Variants in ABTB2 observed in about 807,000 individuals in gnomAD.
The protein encoded by ABTB2 is ankyrin repeat and BTB/POZ domain-containing protein 2.
In ABTB2, 56 loss-of-function variants were observed where a neutral mutation model predicts 104.1. The observed-to-expected ratio is 0.54, with a 90% confidence interval of 0.43 to 0.67. ABTB2 has a LOEUF of 0.67. ABTB2 is among the 30% of genes least tolerant of loss of function. ABTB2 has a pLI of 0.00. For missense variants in ABTB2, 1,279 were observed against 1,407.7 expected, an observed-to-expected ratio of 0.91 and a Z score of 1.46; for synonymous variants, 606 against 608.2, an observed-to-expected ratio of 1.00 and a Z score of 0.05.
intron 1 of ABTB2, among the ~76,000 whole-genome samples, chr11:34,260,219 G>A (rs1455724188): frequency 1.3e-5 from 2 of 152,184 alleles, no homozygotes; most frequent in Non-Finnish European, 2.9e-5. Context: ...ACCGTTCAGC[G>A]CTTGGAGGCT....
intron 1 of ABTB2, among the ~76,000 whole-genome samples, chr11:34,312,151 AAAAAG>A (rs1465360463): frequency 3.1e-4 from 46 of 150,658 alleles, no homozygotes; most frequent in African/African-American, 8.4e-4. Flanking sequence ...AAAAAAAAAA[AAAAAG>A]AAAAAGAAAA....
chr11:34,155,243 C>A (rs894466732), intron 14 of ABTB2, among the ~76,000 whole-genome samples: 1 of 152,222 alleles, frequency 6.6e-6, no homozygotes, highest in South Asian at 2.1e-4. Flanking sequence ...TGTTGGAGGA[C>A]GCTGCCTCCT....
chr11:34,254,277 T>C (rs1590231341), intron 1 of ABTB2, among the ~76,000 whole-genome samples: 1 of 151,992 alleles, frequency 6.6e-6, no homozygotes, highest in South Asian at 2.1e-4. Context: ...AGACAGACTT[T>C]CACTTTATCA....
At chr11:34,172,393 A>ATAT (rs58214998) in intron 4 of ABTB2, among the ~76,000 whole-genome samples, 19 of 28,186 alleles carry the variant, frequency 6.7e-4, no homozygotes, top group African/African-American at 1.5e-3. Context: ...AAAAAAAAAA[A>ATAT]AAATATATAT....
chr11:34,272,412 C>T (rs185578440), intron 1 of ABTB2, among the ~76,000 whole-genome samples: 74 of 151,746 alleles, frequency 4.9e-4, no homozygotes, highest in Non-Finnish European at 7.4e-4. Context: ...ACTAAAAAAC[C>T]ATACACATTG....
intron 1 of ABTB2, among the ~76,000 whole-genome samples, chr11:34,291,211 G>T (rs1469549638): frequency 6.6e-6 from 1 of 152,206 alleles, no homozygotes; most frequent in Admixed American, 6.5e-5. Flanking sequence ...GAATTAAGAG[G>T]ACAATAGTCT....
intron 1 of ABTB2, among the ~76,000 whole-genome samples, chr11:34,213,489 A>G (rs1853510571): frequency 6.6e-6 from 1 of 152,154 alleles, no homozygotes; most frequent in Admixed American, 6.5e-5. Flanking sequence ...TCAAAAACAA[A>G]CAAACAAAAC....
At chr11:34,186,411 C>A (rs550057216) in intron 3 of ABTB2, among the ~76,000 whole-genome samples, 5 of 152,252 alleles carry the variant, frequency 3.3e-5, no homozygotes, top group Admixed American at 6.5e-5. Context: ...GTCCTCCCCC[C>A]ATCCTGAGGG....
chr11:34,298,421 T>C (rs553572448), intron 1 of ABTB2, among the ~76,000 whole-genome samples: 1 of 151,542 alleles, frequency 6.6e-6, no homozygotes, highest in Non-Finnish European at 1.5e-5. Flanking sequence ...TCTTTTTTTT[T>C]TTTTAAACCA....
chr11:34,335,853 T>C, intron 1 of ABTB2: 2 of 1,189,764 alleles, frequency 1.7e-6, no homozygotes, highest in Non-Finnish European at 2.5e-6. Flanking sequence ...TTTGAGAGCA[T>C]ATATCTGGAG....
intron 1 of ABTB2, among the ~76,000 whole-genome samples, chr11:34,342,709 T>C (rs1429166366): frequency 6.6e-6 from 1 of 152,192 alleles, no homozygotes; most frequent in Non-Finnish European, 1.5e-5. Flanking sequence ...ATTCAGTCTC[T>C]TGGCTTCTCT....
intron 1 of ABTB2, among the ~76,000 whole-genome samples, chr11:34,292,860 T>A (rs1354277301): frequency 2.0e-5 from 3 of 152,030 alleles, no homozygotes; most frequent in East Asian, 1.9e-4. Context: ...AGGGTGGTAA[T>A]AAAGGAGTCA....
intron 1 of ABTB2, among the ~76,000 whole-genome samples, chr11:34,291,448 C>T (rs552376387): frequency 1.4e-4 from 22 of 152,290 alleles, no homozygotes; most frequent in African/African-American, 2.9e-4. Context: ...CAGTGTTCTT[C>T]GGCGTGGGGC....
At position 34,313,016 on chromosome 11, in the gene ABTB2, T is replaced by C. The variant is rs1854877327; in HGVS notation, c.883+43685A>G. ...GAAGAAAAAAAGAAAAAAGAAAGAA[T>C]AGAAAAGACCCAATTTCTTAGCAAG... is the stretch of plus-strand genomic sequence containing the variant. On this transcript the variant is annotated intron_variant, in intron 1 of 16. Coordinates refer to ENST00000435224, the MANE Select transcript of ABTB2 (RefSeq NM_145804.3). Among the ~76,000 whole-genome samples the C allele has an allele frequency of 2.6e-5, 4 of 152,098 alleles. No individual in the cohort carries two copies. The South Asian group carries it at 8.3e-4, about 32-fold the overall frequency.
chr11:34,170,987 C>A lies in ABTB2; in HGVS notation c.1482G>T (p.Met494Ile). The A allele has an allele frequency of 6.2e-7, 1 of 1,614,200 alleles. No homozygotes were observed. The highest frequency in any genetic ancestry group is 1.3e-5 in the African/African-American group (1 of 75,054). The change falls in exon 5 of 17, where the codon ATG becomes ATT. Residue 494 changes from methionine (M) to isoleucine (I), a missense_variant. By Grantham distance (10) the Met-to-Ile change is conservative (BLOSUM62 1). Transcript: ENST00000435224. ...EKFNQDLGFR[M>I]LNCGRTDLIN... ...TGAGGTCCGTCCTCCCACAGTTGAG[C>A]ATGCGGAAACCCAGGTCCTGGTTGA... is the stretch of plus-strand genomic sequence containing the variant.
At chr11:34,178,007 T>C (rs1466966615) in intron 3 of ABTB2, among the ~76,000 whole-genome samples, 1 of 152,212 alleles carries the variant, frequency 6.6e-6, no homozygotes, top group African/African-American at 2.4e-5. Flanking sequence ...GCCTACACCC[T>C]GCTCCACGAG....
At chr11:34,275,185 A>G (rs573048760) in intron 1 of ABTB2, among the ~76,000 whole-genome samples, 2 of 152,234 alleles carry the variant, frequency 1.3e-5, no homozygotes, top group Admixed American at 6.5e-5. Context: ...TTTGTAATCT[A>G]TCTGGCTTGG....
chr11:34,257,281 C>T (rs989047068), intron 1 of ABTB2, among the ~76,000 whole-genome samples: 5 of 150,320 alleles, frequency 3.3e-5, no homozygotes, highest in African/African-American at 1.2e-4. Flanking sequence ...AGATGTGGCT[C>T]TATGGCAGCA....
intron 4 of ABTB2, 40 bp downstream of exon 4, chr11:34,173,115 G>T (rs777741392): frequency 2.5e-6 from 4 of 1,612,272 alleles, no homozygotes; most frequent in South Asian, 2.2e-5. Context: ...CTGGGGGCAG[G>T]TCATGGATGC....
Sources: allele counts gnomAD v4.1 joint callset (sites outside exome capture counted in the v4.1 genomes callset), GRCh38; gene constraint gnomAD v4.1.1; transcripts MANE v1.5; gene names NCBI Gene and HGNC (gene_info 2026-07-23, HGNC 2026-07-21).